SLC7A14: variants seen among roughly 807,000 people sequenced by gnomAD.
SLC7A14 encodes gamma-aminobutyric acid transporter SLC7A14.
SLC7A14 carries 37 observed loss-of-function variants against 60.2 expected under a neutral mutation model. That is an observed-to-expected ratio of 0.61 (90% CI 0.47 to 0.81). SLC7A14 has a LOEUF of 0.81. SLC7A14 is among the 30% of genes least tolerant of loss of function. The probability of loss-of-function intolerance (pLI) is 0.00; values close to 1 mark genes in which losing one functional copy is unlikely to be tolerated. For synonymous variants in SLC7A14, 399 were observed against 395.8 expected (o/e 1.01, Z -0.10); for missense variants, 886 against 982.7 (o/e 0.90, Z 1.32).
In SLC7A14 at chr3:170,460,000, C is replaced by T. The variant is rs1443315224; in HGVS notation, c.*7055G>A. Reference sequence around the variant, plus strand: ...TTGATAAATCAATATATTGTCAACACCACACATTTGAAAATAAAACACATT... The same window carrying T: ...TTGATAAATCAATATATTGTCAACATCACACATTTGAAAATAAAACACATT... On this transcript the variant is annotated 3_prime_UTR_variant, in exon 8 of 8. Coordinates refer to ENST00000231706, the MANE Select transcript of SLC7A14 (RefSeq NM_020949.3). 6.6e-6 allele frequency: 1 copy of T among 152,104 alleles called. No homozygotes were observed. Among genetic ancestry groups the T allele is most frequent in the Non-Finnish European group, 1.5e-5 (1 of 68,028 alleles). 9.4% of individuals were successfully genotyped at this position (152,104 alleles called of 1,614,324 possible).
chr3:170,481,974 G>A (rs974973176), intron 6 of SLC7A14, among the ~76,000 whole-genome samples: 1 of 152,170 alleles, frequency 6.6e-6, no homozygotes, highest in African/African-American at 2.4e-5. Flanking sequence ...GTAGGGTGAG[G>A]CCTAGCAAAC....
intron 2 of SLC7A14, among the ~76,000 whole-genome samples, chr3:170,516,661 G>A (rs1423925091): frequency 6.6e-6 from 1 of 152,186 alleles, no homozygotes; most frequent in Non-Finnish European, 1.5e-5. Context: ...CAGCTACTGA[G>A]GAGGGTGAAT....
chr3:170,566,457 G>A (rs530684128), intron 1 of SLC7A14, among the ~76,000 whole-genome samples: 93 of 152,192 alleles, frequency 6.1e-4, no homozygotes, highest in Admixed American at 1.4e-3. Flanking sequence ...GCAAAAATGG[G>A]CCCTGATTCT....
chr3:170,526,167 C>T (rs529017894), intron 2 of SLC7A14, among the ~76,000 whole-genome samples: 131 of 151,516 alleles, frequency 8.6e-4, no homozygotes, highest in Middle Eastern at 3.4e-3. Flanking sequence ...TTTGGAAGGC[C>T]GAGGCAGGTG....
Position 170,568,290 on chromosome 3 carries a change from C to G in SLC7A14, c.-153+17621G>C, listed in dbSNP as rs1232658458. Reference sequence around the variant, plus strand: ...AATCCTTTCCCCATTGCTTGTTTTTCTCAGGTTTGTCAAAGATCAGATAGT... The same window carrying G: ...AATCCTTTCCCCATTGCTTGTTTTTGTCAGGTTTGTCAAAGATCAGATAGT... On this transcript the variant is annotated intron_variant, in intron 1 of 7. Transcript: ENST00000231706. Among the ~76,000 whole-genome samples the G allele has an allele frequency of 1.1e-4, 17 of 151,950 alleles. No homozygotes were observed. The South Asian group carries it at 1.5e-3, about 13-fold the overall frequency.
At chr3:170,517,102 T>G (rs1159955408) in intron 2 of SLC7A14, among the ~76,000 whole-genome samples, 3 of 152,200 alleles carry the variant, frequency 2.0e-5, no homozygotes, top group Non-Finnish European at 4.4e-5. Context: ...AAGAATTAAA[T>G]GAGATAATGT....
intron 1 of SLC7A14, among the ~76,000 whole-genome samples, chr3:170,534,709 C>T (rs1050325579): frequency 6.6e-6 from 1 of 152,122 alleles, no homozygotes; most frequent in Admixed American, 6.5e-5. Context: ...ATTAAAAATT[C>T]ATCTGCTTCC....
chr3:170,485,821 G>A (rs1273959834), intron 5 of SLC7A14, among the ~76,000 whole-genome samples: 3 of 152,140 alleles, frequency 2.0e-5, no homozygotes, highest in East Asian at 1.9e-4. Context: ...CTTTGCTGCC[G>A]GGAAGCTCCC....
At chr3:170,567,770 C>T (rs1415218890) in intron 1 of SLC7A14, among the ~76,000 whole-genome samples, 2 of 151,906 alleles carry the variant, frequency 1.3e-5, no homozygotes, top group African/African-American at 2.4e-5. Flanking sequence ...TGATGGTGAG[C>T]GTTTTTTCAT....
intron 1 of SLC7A14, among the ~76,000 whole-genome samples, chr3:170,554,243 G>A (rs192731330): frequency 5.9e-5 from 9 of 152,252 alleles, no homozygotes; most frequent in Non-Finnish European, 1.2e-4. Context: ...TTAGAGTATT[G>A]ATACTATTAC....
chr3:170,496,481 C>A (rs13092604), intron 4 of SLC7A14: 1 of 1,365,326 alleles, frequency 7.3e-7, no homozygotes, highest in Non-Finnish European at 1.0e-6. Flanking sequence ...AGGATGCCAG[C>A]GCCAAGCGGT....
chr3:170,478,967 C>G (rs1362767688), intron 7 of SLC7A14, among the ~76,000 whole-genome samples: 2 of 151,978 alleles, frequency 1.3e-5, no homozygotes, highest in East Asian at 3.9e-4. Flanking sequence ...ACTAAAAACA[C>G]AAAAATTAGC....
chr3:170,570,340 C>T (rs1042215181), intron 1 of SLC7A14: 2 of 152,096 alleles, frequency 1.3e-5, no homozygotes, highest in Non-Finnish European at 2.9e-5. Flanking sequence ...TCCAGCTAGT[C>T]CGGAGGCTGA....
At chr3:170,539,823 G>A (rs2108299423) in intron 1 of SLC7A14, among the ~76,000 whole-genome samples, 1 of 152,226 alleles carries the variant, frequency 6.6e-6, no homozygotes, top group African/African-American at 2.4e-5. Context: ...TATACTTAAA[G>A]TTTTTTCCTA....
Position 170,480,947 on chromosome 3 carries a change from A to G in SLC7A14, c.1335T>C (p.Ser445=). Residue 445 remains serine (S), a synonymous_variant, in exon 7 of 8, where the codon TCT becomes TCC. Transcript: ENST00000231706. ...CCTCCTTCTTCTTGGTGTGCTCCTC[A>G]GACAAGAACTTGACAAAACCATCAA... The part of the protein sequence containing the change: ...SDIDGFVKFL[S]EEHTKKKEGI... 6.2e-7 allele frequency: 1 copy of G among 1,614,104 alleles called. No individual in the cohort carries two copies. Among genetic ancestry groups the G allele is most frequent in the Non-Finnish European group, 8.5e-7 (1 of 1,180,036 alleles).
intron 1 of SLC7A14, among the ~76,000 whole-genome samples, chr3:170,552,499 A>G (rs974112154): frequency 2.0e-5 from 3 of 152,172 alleles, no homozygotes; most frequent in African/African-American, 7.2e-5. Context: ...ATCATTATTA[A>G]CAGGTTTTTG....
intron 2 of SLC7A14, among the ~76,000 whole-genome samples, chr3:170,519,002 A>G (rs193098389): frequency 2.1e-3 from 322 of 152,332 alleles, no homozygotes; most frequent in African/African-American, 7.2e-3. Context: ...AGTCTATGGC[A>G]CACACAATCT....
At chr3:170,512,742 C>T (rs1713023694) in intron 2 of SLC7A14, among the ~76,000 whole-genome samples, 1 of 138,732 alleles carries the variant, frequency 7.2e-6, no homozygotes, top group Non-Finnish European at 1.5e-5. Context: ...CGGCTCACTG[C>T]AAGCTCCGCC....
intron 7 of SLC7A14, among the ~76,000 whole-genome samples, chr3:170,472,675 G>A (rs1239031297): frequency 6.6e-6 from 1 of 151,770 alleles, no homozygotes; most frequent in Non-Finnish European, 1.5e-5. Flanking sequence ...GCTGAGGCAG[G>A]AGAATGGCGT....
Sources: allele counts gnomAD v4.1 joint callset (sites outside exome capture counted in the v4.1 genomes callset), GRCh38; gene constraint gnomAD v4.1.1; transcripts MANE v1.5; gene names NCBI Gene and HGNC (gene_info 2026-07-23, HGNC 2026-07-21).